Variants in NAP1L1 observed in about 807,000 individuals in gnomAD.
The protein encoded by NAP1L1 is nucleosome assembly protein 1-like 1.
Under a neutral mutation model 58.9 loss-of-function variants are expected in NAP1L1, and 9 were observed. The observed-to-expected ratio is 0.15, with a 90% CI of 0.09 to 0.27. NAP1L1 has a LOEUF of 0.27. NAP1L1 is among the 10% of genes least tolerant of loss of function. NAP1L1 has a pLI of 1.00. For missense variants in NAP1L1, 302 were observed against 458.8 expected (o/e 0.66, Z 3.12); for synonymous variants, 130 against 138.3 (o/e 0.94, Z 0.42).
At chr12:76,074,810 C>G (rs146891479) in intron 1 of NAP1L1, among the ~76,000 whole-genome samples, 1 of 152,110 alleles carries the variant, frequency 6.6e-6, no homozygotes, top group East Asian at 1.9e-4. Context: ...TTCAAAAGCT[C>G]TAGGTCCCAA....
At chr12:76,071,655 T>C (rs1483063749) in intron 2 of NAP1L1, among the ~76,000 whole-genome samples, 2 of 152,128 alleles carry the variant, frequency 1.3e-5, no homozygotes, top group African/African-American at 4.8e-5. Context: ...TAGCACCAGG[T>C]ACATTTCTAG....
chr12:76,058,215 ATATATATATGTATTC>A, intron 6 of NAP1L1: 12 of 182,222 alleles, frequency 6.6e-5, no homozygotes, highest in South Asian at 4.5e-4. Context: ...ATATATATAT[ATATATATATGTATTC>A]TACAGTAAAA....
chr12:76,057,541 G>T, intron 6 of NAP1L1: 1 of 787,184 alleles, frequency 1.3e-6, no homozygotes, highest in Non-Finnish European at 2.2e-6. Context: ...TTGTGAAATG[G>T]CTGCTGACGT....
At chr12:76,062,468 G>C (rs181517822) in intron 4 of NAP1L1, among the ~76,000 whole-genome samples, 6 of 152,180 alleles carry the variant, frequency 3.9e-5, no homozygotes, top group Non-Finnish European at 8.8e-5. Flanking sequence ...CTATGAAAGA[G>C]TGAATGAAAT....
intron 9 of NAP1L1, 31 bp downstream of exon 9, chr12:76,053,739 C>T (rs779857274): frequency 3.1e-6 from 5 of 1,592,838 alleles, no homozygotes; most frequent in Non-Finnish European, 1.7e-6. Context: ...ACAGAAAAAA[C>T]ATTTTGTTAA....
chr12:76,076,396 G>C (rs1950169655), intron 1 of NAP1L1, among the ~76,000 whole-genome samples: 1 of 151,676 alleles, frequency 6.6e-6, no homozygotes, highest in Non-Finnish European at 1.5e-5. Context: ...TCTTCTTTGG[G>C]GTAGCACACA....
chr12:76,064,286 T>C (rs922241153), intron 4 of NAP1L1, among the ~76,000 whole-genome samples: 2 of 152,270 alleles, frequency 1.3e-5, no homozygotes, highest in East Asian at 3.9e-4. Flanking sequence ...ATCATACACC[T>C]AATATGGCTC....
chr12:76,083,144 T>C (rs1950470841), intron 1 of NAP1L1, among the ~76,000 whole-genome samples: 1 of 152,100 alleles, frequency 6.6e-6, no homozygotes, highest in Non-Finnish European at 1.5e-5. Context: ...CCAGCCCCCC[T>C]ACACTGCCAT....
intron 11 of NAP1L1, among the ~76,000 whole-genome samples, chr12:76,051,951 T>C (rs1592614105): frequency 6.6e-6 from 1 of 151,862 alleles, no homozygotes; most frequent in Non-Finnish European, 1.5e-5. Context: ...GAGGCAGAGG[T>C]TGTGGTGAGT....
intron 1 of NAP1L1, among the ~76,000 whole-genome samples, chr12:76,081,841 G>T (rs1489282274): frequency 6.6e-6 from 1 of 152,180 alleles, no homozygotes; most frequent in Non-Finnish European, 1.5e-5. Context: ...AAACTAGTTT[G>T]AAATGGAACT....
rs1451721524 is a variant in NAP1L1, at chr12:76,041,015, G to C, written c.*7414C>G. The C allele has an allele frequency of 1.3e-5, 2 of 152,214 alleles. No homozygotes were observed. The highest frequency in any genetic ancestry group is 4.8e-5 in the African/African-American group (2 of 41,452). The allele number at this position is 152,214 out of a possible 1,614,324, so 9.4% of individuals were successfully genotyped here. A position where few individuals can be genotyped will look rare whatever the true frequency, so the allele number is the denominator to read the frequency against. On this transcript the variant is annotated 3_prime_UTR_variant, in exon 15 of 15. Coordinates refer to ENST00000618691, the MANE Select transcript of NAP1L1 (RefSeq NM_004537.7). The stretch of plus-strand genomic sequence containing the variant: ...GGGGAATCAGCTTATACATAGATTT[G>C]ACTGAAGGAAGCTGGGGCCCCTAGC...
chr12:76,057,774 A>AATCTGT, intron 6 of NAP1L1: 1 of 1,551,298 alleles, frequency 6.4e-7, no homozygotes, highest in Non-Finnish European at 8.7e-7. Context: ...AAGAAGCTGG[A>AATCTGT]ATCTGTCAAG....
At chr12:76,071,870 G>A (rs1592685777) in intron 2 of NAP1L1, among the ~76,000 whole-genome samples, 1 of 151,634 alleles carries the variant, frequency 6.6e-6, no homozygotes, top group East Asian at 1.9e-4. Context: ...ACATTAGAAT[G>A]CTAAATGTAG....
intron 2 of NAP1L1, among the ~76,000 whole-genome samples, chr12:76,070,884 T>C (rs1949923669): frequency 6.6e-6 from 1 of 152,218 alleles, no homozygotes; most frequent in South Asian, 2.1e-4. Flanking sequence ...AGTTGTATTA[T>C]GCTGGGCCAG....
At position 76,046,515 on chromosome 12, in the gene NAP1L1, TCAAAG is replaced by T. The variant is rs1565709117; in HGVS notation, c.*1909_*1913del. On this transcript the variant is annotated 3_prime_UTR_variant, in exon 15 of 15. Transcript: ENST00000618691. The stretch of plus-strand genomic sequence containing the variant: ...AAAAAAAAAAGCACATAGTGTCTAA[TCAAAG>T]CAAAGGAAATCATTTTGAAAATAAA... 1 of 152,070 alleles carries T rather than the reference TCAAAG, an allele frequency of 6.6e-6. No homozygotes were observed. The highest frequency in any genetic ancestry group is 2.4e-5 in the African/African-American group (1 of 41,342). The allele number at this position is 152,070 out of a possible 1,614,324, so 9.4% of individuals were successfully genotyped here.
At position 76,043,158 on chromosome 12, in the gene NAP1L1, G is replaced by GC. The variant is rs1948566724; in HGVS notation, c.*5270dup. 6.6e-6 allele frequency: 1 copy of GC among 152,020 alleles called. No homozygotes were observed. Among genetic ancestry groups the GC allele is most frequent in the South Asian group, 2.1e-4 (1 of 4,812 alleles). The allele number at this position is 152,020 out of a possible 1,614,324, so 9.4% of individuals were successfully genotyped here. A position where few individuals can be genotyped will look rare whatever the true frequency, so the allele number is the denominator to read the frequency against. ...ATATATGACCCTGAAGCCTTTACTG[G>GC]CCCCTGGGGCCCACCTACCTCAAAT... is the stretch of plus-strand genomic sequence containing the variant. On this transcript the variant is annotated 3_prime_UTR_variant, in exon 15 of 15. Transcript: ENST00000618691.
intron 6 of NAP1L1, chr12:76,057,631 C>T: frequency 2.2e-6 from 3 of 1,350,388 alleles, no homozygotes; most frequent in South Asian, 2.5e-5. Context: ...ACTTTGAGTC[C>T]TTTATTGTGG....
Position 76,047,851 on chromosome 12 carries a change from T to C in NAP1L1, c.*578A>G, listed in dbSNP as rs1948650475. On this transcript the variant is annotated 3_prime_UTR_variant, in exon 15 of 15. Coordinates refer to ENST00000618691, the MANE Select transcript of NAP1L1 (RefSeq NM_004537.7). ...GTAACTATACTGAGTCAGGTTACTTTACAGTTAACTATGTCACCTAAAACA... is the reference window on the plus strand; with the variant it reads ...GTAACTATACTGAGTCAGGTTACTTCACAGTTAACTATGTCACCTAAAACA... 1 of 152,342 alleles carries C rather than the reference T, an allele frequency of 6.6e-6. No homozygotes were observed. The highest frequency in any genetic ancestry group is 1.5e-5 in the Non-Finnish European group (1 of 67,970). 9.4% of individuals were successfully genotyped at this position (152,342 alleles called of 1,614,324 possible).
chr12:76,065,138 G>A (rs1949602953), intron 4 of NAP1L1, among the ~76,000 whole-genome samples: 1 of 151,952 alleles, frequency 6.6e-6, no homozygotes, highest in Non-Finnish European at 1.5e-5. Flanking sequence ...CTACAGGAAT[G>A]CAAGGCTAGT....
Sources: gnomAD v4.1 joint callset for allele counts (sites outside exome capture counted in the v4.1 genomes callset) on GRCh38, gnomAD v4.1.1 for gene constraint, MANE v1.5 for transcripts, NCBI Gene and HGNC (gene_info 2026-07-23, HGNC 2026-07-21) for gene names.